RBFOX1: variants seen among roughly 807,000 people sequenced by gnomAD.
RBFOX1 encodes the protein RNA binding protein fox-1 homolog 1.
A neutral mutation model predicts 57.7 loss-of-function variants in RBFOX1; 8 were observed. The observed-to-expected ratio is 0.14, with a 90% CI of 0.08 to 0.25. The LOEUF (loss-of-function observed/expected upper bound fraction) is 0.25. Among genes scored for constraint, RBFOX1 ranks in the 10% least tolerant of loss-of-function variants. The pLI is 1.00. For missense variants in RBFOX1, 611 were observed against 548.5 expected (o/e 1.11, Z -1.14); for synonymous variants, 326 against 222.4 (o/e 1.47, Z -4.15).
chr16:7,018,868 C>T (rs59735655), intron 3 of RBFOX1, among the ~76,000 whole-genome samples: 2,444 of 152,060 alleles, frequency 0.016, 40 homozygotes, highest in East Asian at 0.082. Context: ...ACTGTAATCT[C>T]AGCACATTGG....
intron 1 of RBFOX1, among the ~76,000 whole-genome samples, chr16:5,453,338 G>C (rs1196640448): frequency 2.6e-5 from 4 of 152,172 alleles, no homozygotes; most frequent in African/African-American, 9.7e-5. Flanking sequence ...TGATATGAGA[G>C]AGATTGATGG....
chr16:6,475,251 G>A (rs2095254888), intron 2 of RBFOX1, among the ~76,000 whole-genome samples: 1 of 152,172 alleles, frequency 6.6e-6, no homozygotes, highest in African/African-American at 2.4e-5. Context: ...AACAATGTTG[G>A]TTGTAATACT....
chr16:5,308,784 A>G (rs1231724965), intron 1 of RBFOX1, among the ~76,000 whole-genome samples: 1 of 151,626 alleles, frequency 6.6e-6, no homozygotes, highest in East Asian at 1.9e-4. Context: ...TATATTAAGT[A>G]TACAGTCAAG....
chr16:5,410,587 G>C (rs2066994284), intron 1 of RBFOX1, among the ~76,000 whole-genome samples: 1 of 152,194 alleles, frequency 6.6e-6, no homozygotes, highest in Non-Finnish European at 1.5e-5. Flanking sequence ...GTCAGTCTCT[G>C]TAGCTTGTCA....
At chr16:7,014,236 A>G (rs1461892380) in intron 3 of RBFOX1, among the ~76,000 whole-genome samples, 1 of 150,580 alleles carries the variant, frequency 6.6e-6, no homozygotes. Context: ...TTTGAAGTGG[A>G]GTCTCGCTCT....
At chr16:6,596,630 G>C (rs910404779) in intron 2 of RBFOX1, among the ~76,000 whole-genome samples, 18 of 143,470 alleles carry the variant, frequency 1.3e-4, no homozygotes, top group African/African-American at 5.4e-4. Context: ...AAAATAACTT[G>C]ATTTTCAGTA....
At chr16:7,657,755 G>T (rs1437615697) in intron 12 of RBFOX1, among the ~76,000 whole-genome samples, 1 of 152,148 alleles carries the variant, frequency 6.6e-6, no homozygotes, top group African/African-American at 2.4e-5. Flanking sequence ...ATTAACACAT[G>T]ATCATTCCTC....
At chr16:7,275,001 A>C (rs1384100193) in intron 4 of RBFOX1, among the ~76,000 whole-genome samples, 1 of 152,138 alleles carries the variant, frequency 6.6e-6, no homozygotes, top group East Asian at 1.9e-4. Flanking sequence ...TTAGCTTCTA[A>C]TTGACCTCAT....
chr16:6,589,409 A>C (rs760754161), intron 2 of RBFOX1, among the ~76,000 whole-genome samples: 12 of 152,270 alleles, frequency 7.9e-5, no homozygotes, highest in Non-Finnish European at 1.8e-4. Context: ...TTTGGTGGGT[A>C]GGGGGTCAGA....
At chr16:5,882,664 G>A (rs549166027) in intron 4 of RBFOX1, among the ~76,000 whole-genome samples, 7 of 152,278 alleles carry the variant, frequency 4.6e-5, no homozygotes, top group Admixed American at 2.0e-4. Context: ...CTCACGCCCT[G>A]CTCCAGAGCT....
intron 3 of RBFOX1, among the ~76,000 whole-genome samples, chr16:6,964,861 G>A (rs1041074646): frequency 2.0e-5 from 3 of 152,120 alleles, no homozygotes; most frequent in Non-Finnish European, 4.4e-5. Flanking sequence ...GCTCCTTGCT[G>A]TGTGACCCTG....
chr16:6,757,986 A>C (rs1277623257), intron 3 of RBFOX1, among the ~76,000 whole-genome samples: 1 of 152,162 alleles, frequency 6.6e-6, no homozygotes, highest in Non-Finnish European at 1.5e-5. Context: ...GGTTGTTTTT[A>C]ATGCGGCAGA....
At chr16:6,121,576 T>C (rs547152993) in intron 1 of RBFOX1, among the ~76,000 whole-genome samples, 1 of 152,332 alleles carries the variant, frequency 6.6e-6, no homozygotes, top group East Asian at 1.9e-4. Context: ...GCTTGTACAC[T>C]GTGCCTGCCT....
At chr16:7,694,133 C>G (rs569738751) in intron 14 of RBFOX1, among the ~76,000 whole-genome samples, 95 of 152,186 alleles carry the variant, frequency 6.2e-4, no homozygotes, top group African/African-American at 2.1e-3. Flanking sequence ...CTTCTTTTTC[C>G]TTTTGTCGTT....
At chr16:6,201,639 T>G (rs1445904905) in intron 1 of RBFOX1, among the ~76,000 whole-genome samples, 1 of 152,150 alleles carries the variant, frequency 6.6e-6, no homozygotes, top group Non-Finnish European at 1.5e-5. Context: ...TATATTTTAG[T>G]GTATTTTCTA....
intron 2 of RBFOX1, among the ~76,000 whole-genome samples, chr16:5,496,346 C>T (rs569942771): frequency 7.2e-5 from 11 of 152,084 alleles, no homozygotes; most frequent in Non-Finnish European, 1.2e-4. Flanking sequence ...CATTTGGGGA[C>T]CTCCCTTAGC....
At chr16:5,794,508 G>T (rs577324855) in intron 3 of RBFOX1, among the ~76,000 whole-genome samples, 1 of 151,408 alleles carries the variant, frequency 6.6e-6, no homozygotes, top group Non-Finnish European at 1.5e-5. Flanking sequence ...CAATGCCAGC[G>T]TGCGTGTGTG....
At chr16:5,467,167 A>G (rs1287348061) in intron 1 of RBFOX1, 7 of 1,347,360 alleles carry the variant, frequency 5.2e-6, no homozygotes, top group Admixed American at 4.7e-5. Flanking sequence ...TGTAGACTCA[A>G]TGTTTCTTCT....
Position 5,932,050 on chromosome 16 carries a change from C to T in RBFOX1, c.351+64715C>T, listed in dbSNP as rs78191637. On this transcript the variant is annotated intron_variant, in intron 4 of 19. Coordinates refer to the RBFOX1 transcript ENST00000641259. ...GACTCTTGGACTCAAGCAGTCCTCC[C>T]GCCTTGGCTTCCCAAAGTGTTGCGG... Among the ~76,000 whole-genome samples the T allele has an allele frequency of 4.5e-3, 684 of 152,272 alleles. 8 individuals carry two copies. The highest frequency in any genetic ancestry group is 6.5e-3 in the Non-Finnish European group (441 of 68,006).
Sources: gnomAD v4.1 joint callset for allele counts (sites outside exome capture counted in the v4.1 genomes callset) on GRCh38, gnomAD v4.1.1 for gene constraint, MANE v1.5 for transcripts, NCBI Gene and HGNC (gene_info 2026-07-23, HGNC 2026-07-21) for gene names.